Variants in ZNF34 observed in about 807,000 individuals in gnomAD.
ZNF34 encodes the protein zinc finger protein 34 (KOX 32).
A neutral mutation model predicts 14.4 loss-of-function variants in ZNF34; 8 were observed. That is an observed-to-expected ratio of 0.55 (90% CI 0.33 to 1.00). ZNF34 has a LOEUF of 1.00. ZNF34 is among the 50% of genes least tolerant of loss of function. The pLI is 0.03. For synonymous variants in ZNF34, 235 were observed against 247.9 expected (o/e 0.95, Z 0.49); for missense variants, 538 against 674.2 (o/e 0.80, Z 2.24).
intron 5 of ZNF34, 146 bp from the exon 6 acceptor site, chr8:144,774,751 G>C: frequency 1.1e-6 from 1 of 928,846 alleles, no homozygotes; most frequent in Non-Finnish European, 1.6e-6. Context: ...GGAGCTCAGA[G>C]GCTTATGCAG....
chr8:144,773,493 T>G lies in ZNF34; in HGVS notation c.1393A>C (p.Asn465His). The G allele has an allele frequency of 6.2e-7, 1 of 1,609,952 alleles. No individual in the cohort carries two copies. The highest frequency in any genetic ancestry group is 8.5e-7 in the Non-Finnish European group (1 of 1,178,760). Residue 465 changes from asparagine to histidine, a missense_variant, in exon 6 of 6, where the codon AAC (asparagine) becomes CAC (histidine). Asn to His is a moderately conservative substitution (Grantham distance 68). This residue lies in a region of ZNF34 where 101 missense variants were observed against 123.1 expected (regional missense o/e 0.82). Coordinates refer to ENST00000429371, the MANE Select transcript of ZNF34 (RefSeq NM_001286769.2). This position sits in a 1 kb window ranked among gnomAD's most constrained non-coding sequence, Gnocchi z 5.4. ...KCSECGKAFH[N>H]SSRLIHHQRL... ...TGGTGGTGGATGAGTCTGGAACTGTTGTGGAAGGCCTTCCCACACTCGCTG... is the reference window on the plus strand; with the variant it reads ...TGGTGGTGGATGAGTCTGGAACTGTGGTGGAAGGCCTTCCCACACTCGCTG...
At chr8:144,776,106 G>A (rs567349152) in intron 5 of ZNF34, among the ~76,000 whole-genome samples, 2 of 152,326 alleles carry the variant, frequency 1.3e-5, no homozygotes, top group South Asian at 2.1e-4. Flanking sequence ...AAGGTCAGGA[G>A]CTTGAGACCA....
At chr8:144,780,010 G>A (rs1237650586) in intron 2 of ZNF34, among the ~76,000 whole-genome samples, 1 of 141,158 alleles carries the variant, frequency 7.1e-6, no homozygotes, top group African/African-American at 2.6e-5. Context: ...GCAACATAGG[G>A]AGACCTTAAT....
At position 144,774,113 on chromosome 8, in the gene ZNF34, T is replaced by A. The variant is rs199914624; in HGVS notation, c.773A>T (p.Tyr258Phe). The A allele has an allele frequency of 7.1e-5, 115 of 1,614,124 alleles. No individual in the cohort carries two copies. In the Admixed American group the frequency reaches 1.9e-3, roughly 27 times the overall value. The change falls in exon 6 of 6, where the codon TAC (tyrosine) becomes TTC (phenylalanine). Residue 258 changes from tyrosine to phenylalanine, a missense_variant. Physicochemically the swap from Tyr to Phe is conservative, Grantham distance 22. Transcript: ENST00000429371. ...HQRLHTEEKP[Y>F]KCDECGKAFS... ...GGCTTTCCCACACTCATCACATTTG[T>A]AGGGCTTCTCTTCAGTGTGAAGCCG...
chr8:144,775,191 C>T (rs923120471), intron 5 of ZNF34, among the ~76,000 whole-genome samples: 6 of 152,254 alleles, frequency 3.9e-5, no homozygotes, highest in African/African-American at 1.4e-4. Context: ...TCCTTCCACC[C>T]CTTGCCTGGC....
chr8:144,786,011 G>GTC (rs1202754752), intron 1 of ZNF34, among the ~76,000 whole-genome samples: 2 of 134,654 alleles, frequency 1.5e-5, no homozygotes, highest in East Asian at 4.4e-4. Flanking sequence ...TTGAGACGGA[G>GTC]TCTTGCTCCA....
chr8:144,787,029 T>C (rs1313695611), intron 1 of ZNF34, among the ~76,000 whole-genome samples: 2 of 151,818 alleles, frequency 1.3e-5, no homozygotes, highest in Non-Finnish European at 2.9e-5. Context: ...GGCAAGGGAG[T>C]TGTCAGGGGC....
At chr8:144,780,960 C>T (rs1213281956) in intron 1 of ZNF34, among the ~76,000 whole-genome samples, 1 of 150,088 alleles carries the variant, frequency 6.7e-6, no homozygotes, top group East Asian at 2.0e-4. Flanking sequence ...CGGTGAAACC[C>T]TGTCTCTACC....
chr8:144,777,636 G>C lies in ZNF34; in HGVS notation c.161-59C>G. On this transcript the variant is annotated intron_variant, in intron 4 of 5. Coordinates refer to ENST00000429371, the MANE Select transcript of ZNF34 (RefSeq NM_001286769.2). The surrounding 1 kb of genome is among the most constrained non-coding windows in gnomAD (Gnocchi z 4.8). ...AGGACACAGGGCAGCACCTAGTGCTGTCTCACCCTGGGGCTGCAGGGTAAG... is the reference window on the plus strand; with the variant it reads ...AGGACACAGGGCAGCACCTAGTGCTCTCTCACCCTGGGGCTGCAGGGTAAG... The C allele has an allele frequency of 3.9e-6, 6 of 1,535,380 alleles. No individual in the cohort carries two copies. Among genetic ancestry groups the C allele is most frequent in the Admixed American group, 4.0e-5 (2 of 50,282 alleles).
intron 5 of ZNF34, 142 bp from the exon 6 acceptor site, chr8:144,774,747 C>T (rs1011444203): frequency 3.1e-5 from 30 of 969,442 alleles, no homozygotes; most frequent in Non-Finnish European, 4.6e-5. Context: ...GCCTGGAGCT[C>T]AGAGGCTTAT....
rs1331868181 is a variant in ZNF34, at chr8:144,782,869, A to G, written c.-107-2589T>C. 6.8e-5 allele frequency among the ~76,000 whole-genome samples: 10 copies of G among 147,618 alleles called. No homozygotes were observed. In the Admixed American group the frequency reaches 6.8e-4, roughly 10 times the overall value. On this transcript the variant is annotated intron_variant, in intron 1 of 5. Coordinates refer to ENST00000429371, the MANE Select transcript of ZNF34 (RefSeq NM_001286769.2). ...AAAAAAAAAAAAAAAAAAAAAAAAA[A>G]AAAAAAGAAAAGAAAATAGATGGAA...
intron 1 of ZNF34, among the ~76,000 whole-genome samples, chr8:144,784,743 G>A (rs915413261): frequency 6.6e-6 from 1 of 151,558 alleles, no homozygotes; most frequent in Non-Finnish European, 1.5e-5. Context: ...GGGTGACAGA[G>A]CAAGACTCTG....
intron 3 of ZNF34, 31 bp downstream of exon 3, chr8:144,778,408 C>T: frequency 6.7e-7 from 1 of 1,500,764 alleles, no homozygotes; most frequent in South Asian, 1.3e-5. Flanking sequence ...TGGGTAAAAA[C>T]TTCACTCCTC....
rs558702671 is a variant in ZNF34 at position 144,779,544 on chromosome 8, C to T, written c.-55+684G>A. On this transcript the variant is annotated intron_variant, in intron 2 of 5. Transcript: ENST00000429371. This position sits in a 1 kb window ranked among gnomAD's most constrained non-coding sequence, Gnocchi z 4.1. Reference sequence around the variant, plus strand: ...CTGTCTTTTCTCATTCCTTTGACTCCGCTGGACTTCATAGCCCCCATGGCC... The same window carrying T: ...CTGTCTTTTCTCATTCCTTTGACTCTGCTGGACTTCATAGCCCCCATGGCC... Among the ~76,000 whole-genome samples the T allele has an allele frequency of 5.9e-5, 9 of 152,240 alleles. No individual in the cohort carries two copies. The South Asian group carries it at 1.0e-3, about 18-fold the overall frequency.
chr8:144,786,273 G>A (rs1179724413), intron 1 of ZNF34, among the ~76,000 whole-genome samples: 1 of 151,848 alleles, frequency 6.6e-6, no homozygotes, highest in Admixed American at 6.6e-5. Context: ...GCAGGCGTGA[G>A]CCACCGTGCT....
At position 144,773,080 on chromosome 8, in the gene ZNF34, C is replaced by G; in HGVS notation, c.*186G>C. On this transcript the variant is annotated 3_prime_UTR_variant, in exon 6 of 6. Transcript: ENST00000429371. The surrounding 1 kb of genome is among the most constrained non-coding windows in gnomAD (Gnocchi z 5.4). Reference sequence around the variant, plus strand: ...AGAAGCTTCTTTTTTGCCCACTTTTCTGTCTCAATTTCTCTAAAATGAACA... The same window carrying G: ...AGAAGCTTCTTTTTTGCCCACTTTTGTGTCTCAATTTCTCTAAAATGAACA... 3.2e-6 allele frequency: 2 copies of G among 625,652 alleles called. No homozygotes were observed. Among genetic ancestry groups the G allele is most frequent in the Non-Finnish European group, 2.5e-6 (1 of 404,044 alleles). 38.8% of individuals were successfully genotyped at this position (625,652 alleles called of 1,614,324 possible).
rs533217104 is a variant in ZNF34 at position 144,777,599 on chromosome 8, G to T, written c.161-22C>A. The stretch of plus-strand genomic sequence containing the variant: ...ACTCCTGGGAAGGAGACAGGGACTG[G>T]GGTTGGTACCAAGGACACAGGGCAG... On this transcript the variant is annotated intron_variant, in intron 4 of 5. Coordinates refer to ENST00000429371, the MANE Select transcript of ZNF34 (RefSeq NM_001286769.2). The surrounding 1 kb of genome is among the most constrained non-coding windows in gnomAD (Gnocchi z 4.8). 659 of 1,550,538 alleles carry T rather than the reference G, an allele frequency of 4.3e-4. 7 individuals carry two copies. The South Asian group carries it at 6.0e-3, about 14-fold the overall frequency.
At chr8:144,782,566 G>A (rs922024537) in intron 1 of ZNF34, among the ~76,000 whole-genome samples, 5 of 150,846 alleles carry the variant, frequency 3.3e-5, no homozygotes, top group Non-Finnish European at 7.4e-5. Flanking sequence ...GGCCGGGCAC[G>A]GTGGCTCACG....
Position 144,773,071 on chromosome 8 carries a change from C to A in ZNF34, c.*195G>T. ...AGAGATCACAGAAGCTTCTTTTTTG[C>A]CCACTTTTCTGTCTCAATTTCTCTA... is the stretch of plus-strand genomic sequence containing the variant. On this transcript the variant is annotated 3_prime_UTR_variant, in exon 6 of 6. Transcript: ENST00000429371. The surrounding 1 kb of genome is among the most constrained non-coding windows in gnomAD (Gnocchi z 5.4). 1.7e-6 allele frequency: 1 copy of A among 578,948 alleles called. No homozygotes were observed. The highest frequency in any genetic ancestry group is 2.8e-6 in the Non-Finnish European group (1 of 363,098). The allele number at this position is 578,948 out of a possible 1,614,324, so 35.9% of individuals were successfully genotyped here.
Sources: gnomAD v4.1 joint callset for allele counts (sites outside exome capture counted in the v4.1 genomes callset) on GRCh38, gnomAD v4.1.1 for gene constraint, gnomAD v4.1.1 regional missense constraint, Gnocchi (gnomAD v3.1) non-coding constraint, MANE v1.5 for transcripts, NCBI Gene and HGNC (gene_info 2026-07-23, HGNC 2026-07-21) for gene names.